The following RIGI variants were observed in gnomAD, a reference collection of about 807,000 sequenced individuals.
RIGI encodes the protein antiviral innate immune response receptor RIG-I.
At chr9:32,472,959 C>A in the RIGI span, 2 of 1,581,614 alleles carry the variant, frequency 1.3e-6, no homozygotes, top group South Asian at 2.3e-5. Flanking sequence ...AAATCTAATT[C>A]ACTATATATA....
chr9:32,469,076 G>C, the RIGI span, among the ~76,000 whole-genome samples: 1 of 152,080 alleles, frequency 6.6e-6, no homozygotes. Context: ...GGAGGATTTG[G>C]AGACCCCCTG....
At chr9:32,525,842 A>G in the RIGI span, among the ~76,000 whole-genome samples, 1 of 152,184 alleles carries the variant, frequency 6.6e-6, no homozygotes, top group African/African-American at 2.4e-5. Context: ...AGCACCCTTA[A>G]GCAAGTCACT....
the RIGI span, among the ~76,000 whole-genome samples, chr9:32,508,817 C>A: frequency 8.5e-5 from 13 of 152,164 alleles, no homozygotes; most frequent in African/African-American, 2.9e-4. Flanking sequence ...GCAAATCCCA[C>A]CCCTACAGAG....
chr9:32,483,489 A>G, the RIGI span, among the ~76,000 whole-genome samples: 1 of 152,070 alleles, frequency 6.6e-6, no homozygotes, highest in Non-Finnish European at 1.5e-5. Context: ...ATAGAAACTC[A>G]CGTGACTCCA....
the RIGI span, among the ~76,000 whole-genome samples, chr9:32,478,190 C>T: frequency 7.2e-5 from 11 of 151,992 alleles, no homozygotes; most frequent in Non-Finnish European, 1.2e-4. Context: ...ATTACAGGTG[C>T]GTGCCACCAT....
At chr9:32,473,139 G>A in the RIGI span, 4 of 1,098,392 alleles carry the variant, frequency 3.6e-6, no homozygotes, top group Non-Finnish European at 5.1e-6. Flanking sequence ...TGAAATACAT[G>A]CAAAAAGAAA....
chr9:32,498,749 G>A, the RIGI span, among the ~76,000 whole-genome samples: 2 of 152,146 alleles, frequency 1.3e-5, no homozygotes, highest in Admixed American at 6.5e-5. Flanking sequence ...TTGGGAGGCT[G>A]AGGCAGGTGG....
At chr9:32,520,417 T>C in the RIGI span, among the ~76,000 whole-genome samples, 1 of 152,154 alleles carries the variant, frequency 6.6e-6, no homozygotes, top group Non-Finnish European at 1.5e-5. Flanking sequence ...AGGAAACAAT[T>C]ATTTAGTAAT....
At chr9:32,515,497 G>A in the RIGI span, among the ~76,000 whole-genome samples, 26 of 152,086 alleles carry the variant, frequency 1.7e-4, no homozygotes, top group East Asian at 4.1e-3. Context: ...CTTTGCTTCT[G>A]TCTTCTCTCT....
chr9:32,489,329 TG>T, the RIGI span: 6 of 1,559,464 alleles, frequency 3.8e-6, no homozygotes, highest in African/African-American at 6.8e-5. Context: ...ATGTAAGTAA[TG>T]GCAATAGGCT....
chr9:32,494,280 C>T, the RIGI span, among the ~76,000 whole-genome samples: 1 of 152,064 alleles, frequency 6.6e-6, no homozygotes, highest in South Asian at 2.1e-4. Flanking sequence ...TCAGAGTCAA[C>T]AGGTTTATTA....
At chr9:32,520,527 G>A in the RIGI span, among the ~76,000 whole-genome samples, 1 of 152,238 alleles carries the variant, frequency 6.6e-6, no homozygotes, top group East Asian at 1.9e-4. Context: ...TCAGGAGAAG[G>A]TGACAATCAA....
chr9:32,461,936 A>G, the RIGI span, among the ~76,000 whole-genome samples: 1 of 152,204 alleles, frequency 6.6e-6, no homozygotes, highest in African/African-American at 2.4e-5. Flanking sequence ...GGGTGAATGC[A>G]CGTGTTTAAA....
the RIGI span, among the ~76,000 whole-genome samples, chr9:32,504,038 A>ACACACACACACACACACAC: frequency 7.4e-6 from 1 of 135,666 alleles, no homozygotes; most frequent in Non-Finnish European, 1.6e-5. Flanking sequence ...CAAGACTCCA[A>ACACACACACACACACACAC]ACACACACAC....
the RIGI span, among the ~76,000 whole-genome samples, chr9:32,491,764 C>G: frequency 6.6e-6 from 1 of 151,320 alleles, no homozygotes; most frequent in African/African-American, 2.4e-5. Flanking sequence ...TTCATGTCTT[C>G]CTTTTCTGAC....
At chr9:32,461,978 T>C in the RIGI span, among the ~76,000 whole-genome samples, 1 of 152,184 alleles carries the variant, frequency 6.6e-6, no homozygotes, top group South Asian at 2.1e-4. Flanking sequence ...GAGCATGGCA[T>C]TTCTTTTATC....
At chr9:32,480,594 T>C in the RIGI span, among the ~76,000 whole-genome samples, 22,879 of 152,184 alleles carry the variant, frequency 0.15, 1,823 homozygotes, top group Middle Eastern at 0.3. Flanking sequence ...CTTTGGATTA[T>C]TGAATTTTAC....
the RIGI span, among the ~76,000 whole-genome samples, chr9:32,478,041 G>GTTTTTTTT: frequency 6.6e-6 from 1 of 151,474 alleles, no homozygotes; most frequent in African/African-American, 2.4e-5. Flanking sequence ...TGTTTTATCG[G>GTTTTTTTT]TTTTTGTTTT....
chr9:32,474,041 T>C, the RIGI span, among the ~76,000 whole-genome samples: 3 of 151,448 alleles, frequency 2.0e-5, no homozygotes, highest in African/African-American at 7.3e-5. Context: ...ATTAAATAAA[T>C]AAAAATAAAA....
Sources: allele counts gnomAD v4.1 joint callset (sites outside exome capture counted in the v4.1 genomes callset), GRCh38; gene constraint gnomAD v4.1.1; transcripts MANE v1.5; gene names NCBI Gene and HGNC (gene_info 2026-07-23, HGNC 2026-07-21).